RAP2A: variants seen among roughly 807,000 people sequenced by gnomAD.
RAP2A encodes the protein RAP2A, member of RAS oncogene family, also known as ras-related protein Rap-2a.
In RAP2A, 5 loss-of-function variants were observed where a neutral mutation model predicts 15.1. The observed-to-expected ratio is 0.33, with a 90% CI of 0.17 to 0.70. RAP2A has a LOEUF of 0.70. RAP2A is among the 30% of genes least tolerant of loss of function. The probability of loss-of-function intolerance (pLI) is 0.68; values close to 1 mark genes in which losing one functional copy is unlikely to be tolerated. For missense variants in RAP2A, 111 were observed against 240.3 expected (o/e 0.46, Z 3.56); for synonymous variants, 110 against 99.7 (o/e 1.10, Z -0.62).
Position 97,468,638 on chromosome 13 carries a change from T to C in RAP2A, c.*4196T>C, listed in dbSNP as rs889352707. ...CATTGTTTTAGATTATAAGAATAAT[T>C]TGAATGAATATAACAGAGGCACTGT... On this transcript the variant is annotated 3_prime_UTR_variant, in exon 2 of 2. Transcript: ENST00000245304. 2 of 152,234 alleles carry C rather than the reference T, an allele frequency of 1.3e-5. No homozygotes were observed. The highest frequency in any genetic ancestry group is 4.8e-5 in the African/African-American group (2 of 41,458). 9.4% of individuals were successfully genotyped at this position (152,234 alleles called of 1,614,324 possible). A position where few individuals can be genotyped will look rare whatever the true frequency, so the allele number is the denominator to read the frequency against.
In RAP2A at chr13:97,468,377, A is replaced by G. The variant is rs2066781639; in HGVS notation, c.*3935A>G. On this transcript the variant is annotated 3_prime_UTR_variant, in exon 2 of 2. Coordinates refer to ENST00000245304, the MANE Select transcript of RAP2A (RefSeq NM_021033.7). ...GGCTTGAAGCCGTCTTTCTGTTTTC[A>G]GGTCATGTGGATCCGAAGGTGCCAG... 1 of 152,220 alleles carries G rather than the reference A, an allele frequency of 6.6e-6. No individual in the cohort carries two copies. Among genetic ancestry groups the G allele is most frequent in the Non-Finnish European group, 1.5e-5 (1 of 68,036 alleles). 9.4% of individuals were successfully genotyped at this position (152,220 alleles called of 1,614,324 possible).
At chr13:97,436,537 G>T (rs2066635213) in intron 1 of RAP2A, among the ~76,000 whole-genome samples, 1 of 152,124 alleles carries the variant, frequency 6.6e-6, no homozygotes, top group Non-Finnish European at 1.5e-5. Flanking sequence ...CATACCCATG[G>T]CTAACTTCTT....
intron 1 of RAP2A, among the ~76,000 whole-genome samples, chr13:97,447,130 A>G (rs1299396141): frequency 2.6e-5 from 4 of 152,170 alleles, no homozygotes; most frequent in East Asian, 3.9e-4. Flanking sequence ...AATAACAGCA[A>G]ATTTATGGAG....
chr13:97,458,064 T>TA, intron 1 of RAP2A, among the ~76,000 whole-genome samples: 1 of 152,160 alleles, frequency 6.6e-6, no homozygotes, highest in African/African-American at 2.4e-5. Flanking sequence ...TGCCTGTAGG[T>TA]ATGAGTTCCA....
At chr13:97,447,778 C>G (rs1357324100) in intron 1 of RAP2A, among the ~76,000 whole-genome samples, 2 of 152,186 alleles carry the variant, frequency 1.3e-5, no homozygotes. Context: ...ACCATCACTT[C>G]ATTATCTCAT....
intron 1 of RAP2A, among the ~76,000 whole-genome samples, chr13:97,435,072 G>C (rs192412523): frequency 5.3e-4 from 80 of 152,212 alleles, no homozygotes; most frequent in Non-Finnish European, 9.6e-4. Context: ...AAACTTGCAG[G>C]GGGGAAAGGG....
At chr13:97,447,106 A>AT (rs2066683061) in intron 1 of RAP2A, among the ~76,000 whole-genome samples, 1 of 152,230 alleles carries the variant, frequency 6.6e-6, no homozygotes, top group Non-Finnish European at 1.5e-5. Context: ...GATTGAATAA[A>AT]TTTTAACTCT....
intron 1 of RAP2A, chr13:97,437,547 A>T (rs1566470818): frequency 6.6e-6 from 1 of 152,096 alleles, no homozygotes; most frequent in African/African-American, 2.4e-5. Flanking sequence ...TGTCATTCTT[A>T]CTTTAATAAC....
At chr13:97,442,629 T>C (rs2066662797) in intron 1 of RAP2A, among the ~76,000 whole-genome samples, 2 of 152,200 alleles carry the variant, frequency 1.3e-5, no homozygotes, top group Admixed American at 6.5e-5. Context: ...CTATTTATTT[T>C]TTTCTATTTT....
intron 1 of RAP2A, among the ~76,000 whole-genome samples, chr13:97,441,536 A>T (rs2153179188): frequency 6.6e-6 from 1 of 152,234 alleles, no homozygotes; most frequent in East Asian, 1.9e-4. Flanking sequence ...CATATTTTTA[A>T]GCAAGGATCT....
At position 97,468,685 on chromosome 13, in the gene RAP2A, A is replaced by C. The variant is rs2066782926; in HGVS notation, c.*4243A>C. ...CTGTAGATAGAATCCCAGATATTTA[A>C]AGGAAAACATGCCTATATTTTAGGA... On this transcript the variant is annotated 3_prime_UTR_variant, in exon 2 of 2. Coordinates refer to ENST00000245304, the MANE Select transcript of RAP2A (RefSeq NM_021033.7). 6.6e-6 allele frequency: 1 copy of C among 152,250 alleles called. No individual in the cohort carries two copies. The highest frequency in any genetic ancestry group is 2.4e-5 in the African/African-American group (1 of 41,464). The allele number at this position is 152,250 out of a possible 1,614,324, so 9.4% of individuals were successfully genotyped here. A position where few individuals can be genotyped will look rare whatever the true frequency, so the allele number is the denominator to read the frequency against.
intron 1 of RAP2A, among the ~76,000 whole-genome samples, chr13:97,458,059 G>A (rs2066731088): frequency 6.6e-6 from 1 of 152,148 alleles, no homozygotes; most frequent in South Asian, 2.1e-4. Context: ...TGGGTTGCCT[G>A]TAGGTATGAG....
chr13:97,463,880 C>T (rs1201172082), intron 1 of RAP2A, among the ~76,000 whole-genome samples: 1 of 152,112 alleles, frequency 6.6e-6, no homozygotes, highest in African/African-American at 2.4e-5. Context: ...TTGTGCAACC[C>T]TCTCTCAGAA....
At chr13:97,443,118 C>G (rs1430339566) in intron 1 of RAP2A, among the ~76,000 whole-genome samples, 1 of 152,092 alleles carries the variant, frequency 6.6e-6, no homozygotes, top group Non-Finnish European at 1.5e-5. Context: ...GTTCAGAAAA[C>G]TCAAAATAGA....
At position 97,434,406 on chromosome 13, in the gene RAP2A, G is replaced by A. The variant is rs534044793; in HGVS notation, c.-65G>A. The A allele has an allele frequency of 1.1e-4, 128 of 1,184,548 alleles. No individual in the cohort carries two copies. The African/African-American group carries it at 1.8e-3, about 17-fold the overall frequency. The allele number at this position is 1,184,548 out of a possible 1,614,324, so 73.4% of individuals were successfully genotyped here. ...CGGGCCGCCGGGGCCGGGGCTGGGG[G>A]CGCAGCGCGGCCGGCGTAGGTCTAT... On this transcript the variant is annotated 5_prime_UTR_variant, in exon 1 of 2. Transcript: ENST00000245304.
intron 1 of RAP2A, among the ~76,000 whole-genome samples, chr13:97,449,291 G>GCAT (rs961683405): frequency 1.0e-3 from 156 of 152,326 alleles, no homozygotes; most frequent in African/African-American, 3.6e-3. Context: ...TACGGAAGTA[G>GCAT]CATAGGATAG....
intron 1 of RAP2A, among the ~76,000 whole-genome samples, chr13:97,445,586 T>C (rs2066676133): frequency 6.6e-6 from 1 of 152,250 alleles, no homozygotes; most frequent in African/African-American, 2.4e-5. Context: ...AAACCCTATG[T>C]CTGTTCTTGC....
chr13:97,453,864 CTA>C (rs2066712236), intron 1 of RAP2A, among the ~76,000 whole-genome samples: 1 of 150,936 alleles, frequency 6.6e-6, no homozygotes, highest in African/African-American at 2.4e-5. Flanking sequence ...AGTGTTGTCA[CTA>C]TTTTTTATTT....
intron 1 of RAP2A, among the ~76,000 whole-genome samples, chr13:97,456,178 C>T (rs984384310): frequency 1.3e-5 from 2 of 151,796 alleles, no homozygotes; most frequent in African/African-American, 4.8e-5. Context: ...CAAAGGGCCC[C>T]CTTTACCCTG....
Sources: allele counts gnomAD v4.1 joint callset (sites outside exome capture counted in the v4.1 genomes callset), GRCh38; gene constraint gnomAD v4.1.1; transcripts MANE v1.5; gene names NCBI Gene and HGNC (gene_info 2026-07-23, HGNC 2026-07-21).